Variants in NIBAN1 observed in about 807,000 individuals in gnomAD.
NIBAN1 encodes the protein protein Niban 1.
A neutral mutation model predicts 75.1 loss-of-function variants in NIBAN1; 81 were observed. The observed-to-expected ratio is 1.08, with a 90% CI of 0.90 to 1.30. The LOEUF is 1.30. Among genes scored for constraint, NIBAN1 ranks in the 50% most tolerant of loss-of-function variants. The probability of loss-of-function intolerance (pLI) is 0.00; values close to 1 mark genes in which losing one functional copy is unlikely to be tolerated. For missense variants in NIBAN1, 1,133 were observed against 1,128.1 expected, an observed-to-expected ratio of 1.00 and a Z score of -0.06; for synonymous variants, 436 against 424.8, an observed-to-expected ratio of 1.03 and a Z score of -0.32.
intron 12 of NIBAN1, among the ~76,000 whole-genome samples, chr1:184,802,954 T>C (rs1470428211): frequency 6.6e-6 from 1 of 152,168 alleles, no homozygotes; most frequent in African/African-American, 2.4e-5. Flanking sequence ...ACCATGAGGA[T>C]ATAAATAATA....
intron 5 of NIBAN1, among the ~76,000 whole-genome samples, chr1:184,841,419 T>C (rs1204010437): frequency 6.6e-6 from 1 of 152,222 alleles, no homozygotes; most frequent in African/African-American, 2.4e-5. Flanking sequence ...TTCTGAGGTA[T>C]GCTCCTCTGA....
chr1:184,825,214 C>T (rs1235833756), intron 6 of NIBAN1, among the ~76,000 whole-genome samples: 1 of 152,176 alleles, frequency 6.6e-6, no homozygotes, highest in African/African-American at 2.4e-5. Flanking sequence ...AGTTGTTAAA[C>T]AACATGCTAC....
intron 1 of NIBAN1, among the ~76,000 whole-genome samples, chr1:184,940,725 A>G (rs1658068946): frequency 1.3e-5 from 2 of 152,210 alleles, no homozygotes; most frequent in Non-Finnish European, 2.9e-5. Flanking sequence ...AAAATTTTTT[A>G]ACTTTTTTCA....
intron 1 of NIBAN1, among the ~76,000 whole-genome samples, chr1:184,952,051 C>T (rs958510592): frequency 6.6e-6 from 1 of 152,186 alleles, no homozygotes; most frequent in Non-Finnish European, 1.5e-5. Context: ...CAGAACAGGG[C>T]ATATTTCTAT....
intron 11 of NIBAN1, among the ~76,000 whole-genome samples, chr1:184,804,373 T>C (rs1654130062): frequency 6.6e-6 from 1 of 152,200 alleles, no homozygotes; most frequent in African/African-American, 2.4e-5. Context: ...ATAACTCTAT[T>C]CAAACAACCA....
intron 1 of NIBAN1, among the ~76,000 whole-genome samples, chr1:184,971,490 T>G (rs1658935289): frequency 6.6e-6 from 1 of 151,764 alleles, no homozygotes; most frequent in Non-Finnish European, 1.5e-5. Context: ...GCCCACATGG[T>G]GAAACCCCGT....
At chr1:184,930,997 C>CTTTTTTCTTTTTTT (rs1553229154) in intron 1 of NIBAN1, among the ~76,000 whole-genome samples, 2 of 114,556 alleles carry the variant, frequency 1.7e-5, no homozygotes, top group African/African-American at 9.1e-5. Flanking sequence ...TTTTCTTCTT[C>CTTTTTTCTTTTTTT]TTTTTTTTTT....
chr1:184,856,744 C>T (rs565662288), intron 5 of NIBAN1, among the ~76,000 whole-genome samples: 1 of 152,268 alleles, frequency 6.6e-6, no homozygotes, highest in South Asian at 2.1e-4. Context: ...ATAAATCCAC[C>T]ACCTGTTCCC....
At chr1:184,833,901 C>A (rs1451848120) in intron 5 of NIBAN1, among the ~76,000 whole-genome samples, 1 of 149,770 alleles carries the variant, frequency 6.7e-6, no homozygotes, top group Admixed American at 6.7e-5. Context: ...GGTACATGTG[C>A]ACAATGTGCA....
intron 10 of NIBAN1, among the ~76,000 whole-genome samples, chr1:184,806,312 G>A (rs997692373): frequency 2.0e-5 from 3 of 152,212 alleles, no homozygotes; most frequent in Admixed American, 6.5e-5. Flanking sequence ...GTCATCTCCC[G>A]TGGGCACTCC....
chr1:184,966,482 T>C (rs1007659488), intron 1 of NIBAN1, among the ~76,000 whole-genome samples: 3 of 152,214 alleles, frequency 2.0e-5, no homozygotes, highest in African/African-American at 7.2e-5. Flanking sequence ...CCACCCAGCC[T>C]GGACCCAGTT....
intron 13 of NIBAN1, 144 bp from the exon 14 acceptor site, chr1:184,796,241 T>C (rs1653862073): frequency 5.3e-6 from 4 of 749,618 alleles, no homozygotes. Context: ...CCAAAGTCTA[T>C]AAACTCTTTC....
chr1:184,806,438 CCT>C (rs1308622692), intron 10 of NIBAN1, among the ~76,000 whole-genome samples: 2 of 152,156 alleles, frequency 1.3e-5, no homozygotes, highest in Non-Finnish European at 2.9e-5. Context: ...CTTATCTCTC[CCT>C]CTCTCTGCAG....
intron 5 of NIBAN1, among the ~76,000 whole-genome samples, chr1:184,843,877 A>G (rs1256669590): frequency 2.0e-5 from 3 of 152,158 alleles, no homozygotes; most frequent in East Asian, 3.8e-4. Flanking sequence ...TGTGGCCATC[A>G]CACACCCGGG....
intron 5 of NIBAN1, among the ~76,000 whole-genome samples, chr1:184,878,463 C>A (rs1346549975): frequency 6.6e-6 from 1 of 152,194 alleles, no homozygotes; most frequent in Non-Finnish European, 1.5e-5. Context: ...TTTTAAACTA[C>A]ACTAAACCAG....
At position 184,951,524 on chromosome 1, in the gene NIBAN1, T is replaced by C. The variant is rs115215994; in HGVS notation, c.55+22778A>G. ...GAGTCATCCTTGAAGCCACTTTTTT[T>C]CCCCTCATATTCCACATACTTCATC... On this transcript the variant is annotated intron_variant, in intron 1 of 13. Coordinates refer to ENST00000367511, the MANE Select transcript of NIBAN1 (RefSeq NM_052966.4). Among the ~76,000 whole-genome samples the C allele has an allele frequency of 3.6e-3, 546 of 152,244 alleles. 4 individuals are homozygous for C. The highest frequency in any genetic ancestry group is 0.013 in the African/African-American group (520 of 41,518).
At chr1:184,836,555 T>G (rs562375617) in intron 5 of NIBAN1, among the ~76,000 whole-genome samples, 32 of 152,250 alleles carry the variant, frequency 2.1e-4, no homozygotes, top group African/African-American at 7.5e-4. Context: ...AAAAAGTAAC[T>G]GAAGAAATGG....
intron 5 of NIBAN1, among the ~76,000 whole-genome samples, chr1:184,835,419 A>G (rs533878872): frequency 1.6e-3 from 247 of 152,340 alleles, no homozygotes; most frequent in African/African-American, 5.5e-3. Context: ...CATTGAATCT[A>G]TAAATTACCT....
chr1:184,942,693 C>CAAAAAA (rs1235041623), intron 1 of NIBAN1, among the ~76,000 whole-genome samples: 4 of 78,372 alleles, frequency 5.1e-5, no homozygotes, highest in Non-Finnish European at 7.9e-5. Flanking sequence ...GACTCCGTCT[C>CAAAAAA]AAAAAAAAAA....
Sources: gnomAD v4.1 joint callset for allele counts (sites outside exome capture counted in the v4.1 genomes callset) on GRCh38, gnomAD v4.1.1 for gene constraint, MANE v1.5 for transcripts, NCBI Gene and HGNC (gene_info 2026-07-23, HGNC 2026-07-21) for gene names.